Variants in NLN observed in about 807,000 individuals in gnomAD.
NLN encodes neurolysin, mitochondrial.
NLN carries 64 observed loss-of-function variants against 79.9 expected under a neutral mutation model. That is an observed-to-expected ratio of 0.80 (90% CI 0.65 to 0.99). The LOEUF (loss-of-function observed/expected upper bound fraction) is 0.99, where lower values mean the gene tolerates loss of function less well. Among genes scored for constraint, NLN ranks in the 50% least tolerant of loss-of-function variants. The probability of loss-of-function intolerance (pLI) is 0.00; values close to 1 mark genes in which losing one functional copy is unlikely to be tolerated. For synonymous variants in NLN, 267 were observed against 296.6 expected (o/e 0.90, Z 1.02); for missense variants, 835 against 858.7 (o/e 0.97, Z 0.34).
intron 9 of NLN, 40 bp from the exon 10 acceptor site, chr5:65,809,475 A>G (rs1760492779): frequency 5.9e-6 from 9 of 1,528,580 alleles, no homozygotes; most frequent in Non-Finnish European, 8.0e-6. Flanking sequence ...ATGTACTTTC[A>G]TTGAGTTCTT....
At chr5:65,795,420 C>T (rs1760154839) in intron 9 of NLN, among the ~76,000 whole-genome samples, 2 of 151,928 alleles carry the variant, frequency 1.3e-5, no homozygotes, top group African/African-American at 4.8e-5. Context: ...GGCATGGTGG[C>T]TCACACCTGT....
chr5:65,748,961 G>T (rs1271094896), intron 1 of NLN, among the ~76,000 whole-genome samples: 1 of 152,062 alleles, frequency 6.6e-6, no homozygotes. Flanking sequence ...ATTGAATCTG[G>T]GGGCAGATTT....
In NLN at chr5:65,763,047, C is replaced by T; in HGVS notation, c.389C>T (p.Ser130Phe). The T allele has an allele frequency of 6.2e-7, 1 of 1,613,718 alleles. No homozygotes were observed. Among genetic ancestry groups the T allele is most frequent in the South Asian group, 1.1e-5 (1 of 91,062 alleles). The change falls in exon 3 of 13, where the codon TCT becomes TTT. Residue 130 changes from serine to phenylalanine, a missense_variant. Ser to Phe is a radical substitution (Grantham distance 155). Transcript: ENST00000380985. ...AASTEADKRLSRFDIEMSMRG... is the reference protein window; with the variant it reads ...AASTEADKRLFRFDIEMSMRG... ...AGTACAGAAGCAGACAAAAGACTTT[C>T]TCGTTTTGATATTGAGATGAGCATG...
chr5:65,746,605 G>T (rs1055679823), intron 1 of NLN, among the ~76,000 whole-genome samples: 1 of 152,226 alleles, frequency 6.6e-6, no homozygotes, highest in East Asian at 1.9e-4. Context: ...GTGGTGTCTA[G>T]TGGGGGACCC....
rs562541420 is a variant in NLN at position 65,737,855 on chromosome 5, G to A, written c.41+15441G>A. Among the ~76,000 whole-genome samples, 15 of 152,252 alleles carry A rather than the reference G, an allele frequency of 9.9e-5. No individual in the cohort carries two copies. The East Asian group carries it at 2.9e-3, about 29-fold the overall frequency. On this transcript the variant is annotated intron_variant, in intron 1 of 12. Coordinates refer to ENST00000380985, the MANE Select transcript of NLN (RefSeq NM_020726.5). ...TTATCAAAAAATTAGAGTTGACTGG[G>A]CACAGTGGTTCACTCTTGTAATCCC... is the stretch of plus-strand genomic sequence containing the variant.
chr5:65,758,139 G>A (rs1759261057), intron 1 of NLN, among the ~76,000 whole-genome samples: 2 of 151,984 alleles, frequency 1.3e-5, no homozygotes, highest in South Asian at 4.2e-4. Context: ...GGGAGGTTGG[G>A]GTGGGAGAAA....
chr5:65,789,460 G>T (rs1189331092), intron 8 of NLN, among the ~76,000 whole-genome samples: 2 of 152,144 alleles, frequency 1.3e-5, no homozygotes, highest in East Asian at 3.9e-4. Context: ...CATCTAGTTT[G>T]TGCACTACAT....
At chr5:65,758,071 A>G (rs1019661380) in intron 1 of NLN, among the ~76,000 whole-genome samples, 1 of 152,116 alleles carries the variant, frequency 6.6e-6, no homozygotes, top group Non-Finnish European at 1.5e-5. Context: ...CATCTCTACA[A>G]ATAATTTTTA....
chr5:65,748,934 G>A (rs902136549), intron 1 of NLN, among the ~76,000 whole-genome samples: 1 of 152,102 alleles, frequency 6.6e-6, no homozygotes, highest in African/African-American at 2.4e-5. Flanking sequence ...GTCATGGGAG[G>A]AACCCAATGG....
intron 8 of NLN, among the ~76,000 whole-genome samples, chr5:65,789,277 A>T (rs1463739665): frequency 6.6e-6 from 1 of 152,190 alleles, no homozygotes; most frequent in African/African-American, 2.4e-5. Flanking sequence ...TCTGTGCCCC[A>T]GTTTTCTTAC....
chr5:65,779,053 G>A (rs1449814267), intron 4 of NLN, among the ~76,000 whole-genome samples: 33 of 152,304 alleles, frequency 2.2e-4, no homozygotes, highest in Non-Finnish European at 2.9e-5. Flanking sequence ...GCGCTGCAAA[G>A]TGGGGCAGAG....
intron 1 of NLN, among the ~76,000 whole-genome samples, chr5:65,739,011 T>TAAA (rs1213833334): frequency 3.9e-5 from 5 of 129,028 alleles, no homozygotes; most frequent in South Asian, 2.3e-4. Context: ...ATAATATATA[T>TAAA]TTATATATAT....
At chr5:65,726,219 A>T (rs1758467183) in intron 1 of NLN, among the ~76,000 whole-genome samples, 1 of 152,182 alleles carries the variant, frequency 6.6e-6, no homozygotes, top group Admixed American at 6.5e-5. Context: ...CCTCAGGACA[A>T]CCCTTATACT....
At chr5:65,783,885 GTTT>G in intron 6 of NLN, among the ~76,000 whole-genome samples, 1 of 151,932 alleles carries the variant, frequency 6.6e-6, no homozygotes, top group Non-Finnish European at 1.5e-5. Flanking sequence ...TCTCTTCTAT[GTTT>G]TCCATTTTAG....
chr5:65,724,810 T>C (rs959214159), intron 1 of NLN, among the ~76,000 whole-genome samples: 2 of 149,488 alleles, frequency 1.3e-5, no homozygotes, highest in Non-Finnish European at 3.0e-5. Context: ...TTTTCTTTTT[T>C]TTTTTTTTTG....
chr5:65,815,636 G>A (rs950450948), intron 12 of NLN, among the ~76,000 whole-genome samples: 2 of 152,070 alleles, frequency 1.3e-5, no homozygotes, highest in Non-Finnish European at 1.5e-5. Context: ...TAATGGACCT[G>A]GCTCCAAAAG....
chr5:65,813,638 T>C (rs1219986762), intron 12 of NLN, among the ~76,000 whole-genome samples: 1 of 152,088 alleles, frequency 6.6e-6, no homozygotes, highest in African/African-American at 2.4e-5. Flanking sequence ...AAAATTAAGA[T>C]CATTGAAGCT....
chr5:65,755,462 A>G (rs1365811650), intron 1 of NLN, among the ~76,000 whole-genome samples: 4 of 152,162 alleles, frequency 2.6e-5, no homozygotes, highest in Admixed American at 6.6e-5. Context: ...AAGCCTTCTG[A>G]ATTGTCACAA....
At chr5:65,770,998 T>C (rs1343883644) in intron 3 of NLN, among the ~76,000 whole-genome samples, 1 of 152,190 alleles carries the variant, frequency 6.6e-6, no homozygotes, top group African/African-American at 2.4e-5. Context: ...AGTTATTTTT[T>C]GCACAGGTTA....
Sources: gnomAD v4.1 joint callset for allele counts (sites outside exome capture counted in the v4.1 genomes callset) on GRCh38, gnomAD v4.1.1 for gene constraint, MANE v1.5 for transcripts, NCBI Gene and HGNC (gene_info 2026-07-23, HGNC 2026-07-21) for gene names.